Variants in EPB41L3 observed in about 807,000 individuals in gnomAD.
The protein encoded by EPB41L3 is erythrocyte membrane protein band 4.1 like 3, also known as band 4.1-like protein 3.
Under a neutral mutation model 127.1 loss-of-function variants are expected in EPB41L3, and 57 were observed. The ratio of observed to expected loss-of-function variants is 0.45; its 90% CI spans 0.36 to 0.56. The LOEUF (loss-of-function observed/expected upper bound fraction) is 0.56. Ranked by LOEUF, EPB41L3 falls within the 20% of genes least tolerant of loss-of-function variation. EPB41L3 has a pLI of 0.00. For synonymous variants in EPB41L3, 572 were observed against 549.5 expected, an observed-to-expected ratio of 1.04 and a Z score of -0.57; for missense variants, 1,273 against 1,372.2, an observed-to-expected ratio of 0.93 and a Z score of 1.14.
At chr18:5,414,862 C>T (rs1448523830) in intron 13 of EPB41L3, among the ~76,000 whole-genome samples, 1 of 152,190 alleles carries the variant, frequency 6.6e-6, no homozygotes, top group Non-Finnish European at 1.5e-5. Context: ...CATGTCAGCT[C>T]GCCCAATTGC....
chr18:5,426,711 A>G (rs1448614946), intron 9 of EPB41L3, among the ~76,000 whole-genome samples: 1 of 152,198 alleles, frequency 6.6e-6, no homozygotes, highest in Non-Finnish European at 1.5e-5. Context: ...TGTTACAATC[A>G]AAGTATATGA....
In EPB41L3 at chr18:5,395,065, A is replaced by G. The variant is rs2073130663; in HGVS notation, c.3153+2T>C. 2 of 1,613,760 alleles carry G rather than the reference A, an allele frequency of 1.2e-6. No homozygotes were observed. The highest frequency in any genetic ancestry group is 1.7e-6 in the Non-Finnish European group (2 of 1,179,728). On this transcript the variant is annotated splice_donor_variant, in intron 21 of 22. Transcript: ENST00000341928. LOFTEE classifies it high-confidence loss of function. ...GGGTATTTACCGTCTCACACACACTACCTGGTCATGGTCAATGTCTGCATC... is the reference window on the plus strand; with the variant it reads ...GGGTATTTACCGTCTCACACACACTGCCTGGTCATGGTCAATGTCTGCATC...
rs1568583985 is a variant in EPB41L3, at chr18:5,566,777, CTATT to C, written c.-306+45559_-306+45562del. Among the ~76,000 whole-genome samples, 1,069 of 146,880 alleles carry C rather than the reference CTATT, an allele frequency of 7.3e-3. 13 individuals are homozygous for C. Among genetic ancestry groups the C allele is most frequent in the East Asian group, 0.018 (88 of 4,820 alleles). On this transcript the variant is annotated intron_variant, in intron 3 of 21. Transcript: ENST00000545076. ...CTATTCTATTCTATTCTATTCTATT[CTATT>C]CTATTCTATTCCATTCCATTCCATT...
At chr18:5,492,046 G>T (rs771223640) in intron 1 of EPB41L3, among the ~76,000 whole-genome samples, 1 of 152,124 alleles carries the variant, frequency 6.6e-6, no homozygotes, top group Admixed American at 6.5e-5. Context: ...CTGGCTGGGC[G>T]CAGTGGCTTA....
At chr18:5,450,890 G>A (rs1305630481) in intron 3 of EPB41L3, among the ~76,000 whole-genome samples, 3 of 152,090 alleles carry the variant, frequency 2.0e-5, no homozygotes, top group Admixed American at 6.6e-5. Flanking sequence ...CTCCTGAATC[G>A]CCCCTGAAGT....
Position 5,393,742 on chromosome 18 carries a change from A to AT in EPB41L3, c.*7-265dup, listed in dbSNP as rs1290583955. On this transcript the variant is annotated intron_variant, in intron 22 of 22. Transcript: ENST00000341928. Reference sequence around the variant, plus strand: ...TATTATTCATTTGAGTAAAATGAGTATTTTTTATATTTCTCTTTTAAGAGA... The same window carrying AT: ...TATTATTCATTTGAGTAAAATGAGTATTTTTTTATATTTCTCTTTTAAGAGA... The AT allele has an allele frequency of 1.4e-5, 5 of 354,044 alleles. No individual in the cohort carries two copies. The East Asian group carries it at 2.3e-4, about 17-fold the overall frequency. The allele number at this position is 354,044 out of a possible 1,614,324, so 21.9% of individuals were successfully genotyped here. A position where few individuals can be genotyped will look rare whatever the true frequency, so the allele number is the denominator to read the frequency against.
At chr18:5,394,430 A>C (rs1407842019) in intron 22 of EPB41L3, 6 of 390,194 alleles carry the variant, frequency 1.5e-5, no homozygotes, top group Admixed American at 1.2e-4. Context: ...AGACCACACA[A>C]GCATAGAAGC....
At chr18:5,605,952 A>G (rs1037726515) in intron 3 of EPB41L3, among the ~76,000 whole-genome samples, 4 of 152,164 alleles carry the variant, frequency 2.6e-5, no homozygotes, top group African/African-American at 9.7e-5. Flanking sequence ...AGGATGAAAA[A>G]AATCACAGAT....
chr18:5,488,965 A>C, intron 2 of EPB41L3, 36 bp downstream of exon 2: 1 of 1,551,652 alleles, frequency 6.4e-7, no homozygotes, highest in South Asian at 1.2e-5. Flanking sequence ...GCAGCTCAGC[A>C]AACACTGCGT....
chr18:5,576,261 C>G (rs1349362997), intron 3 of EPB41L3, among the ~76,000 whole-genome samples: 2 of 152,230 alleles, frequency 1.3e-5, no homozygotes, highest in East Asian at 3.9e-4. Context: ...TATCTTACTA[C>G]AAGTTACTTT....
chr18:5,479,098 C>A (rs1201228625), intron 2 of EPB41L3, among the ~76,000 whole-genome samples: 4 of 152,192 alleles, frequency 2.6e-5, no homozygotes. Context: ...CAAACCATAA[C>A]AGACTAGTCC....
At chr18:5,398,252 G>A (rs1052507114) in intron 16 of EPB41L3, 109 bp from the exon 17 acceptor site, 20 of 1,254,282 alleles carry the variant, frequency 1.6e-5, no homozygotes, top group Non-Finnish European at 2.0e-5. Flanking sequence ...AGACAGGGAG[G>A]AGGAAGAACG....
chr18:5,499,699 G>A (rs557938632), intron 1 of EPB41L3, among the ~76,000 whole-genome samples: 16 of 151,772 alleles, frequency 1.1e-4, no homozygotes, highest in Non-Finnish European at 2.1e-4. Flanking sequence ...CCTGGGAGGC[G>A]GAGCTTGCAG....
intron 3 of EPB41L3, among the ~76,000 whole-genome samples, chr18:5,450,046 C>A (rs369243090): frequency 2.0e-5 from 3 of 152,056 alleles, no homozygotes; most frequent in South Asian, 4.2e-4. Context: ...TAAGTGAAAC[C>A]GTGGAAAACA....
At chr18:5,450,819 TTC>T (rs1163821284) in intron 3 of EPB41L3, among the ~76,000 whole-genome samples, 1 of 152,180 alleles carries the variant, frequency 6.6e-6, no homozygotes, top group African/African-American at 2.4e-5. Flanking sequence ...GCCTGTGGAG[TTC>T]TTTCAGTGTA....
chr18:5,474,037 T>C (rs1226871170), intron 3 of EPB41L3, among the ~76,000 whole-genome samples: 1 of 151,928 alleles, frequency 6.6e-6, no homozygotes, highest in Non-Finnish European at 1.5e-5. Flanking sequence ...CGAGACCATC[T>C]TGGCTAACGT....
At chr18:5,579,144 TTA>T (rs1358554936) in intron 3 of EPB41L3, among the ~76,000 whole-genome samples, 2 of 152,200 alleles carry the variant, frequency 1.3e-5, no homozygotes, top group Non-Finnish European at 2.9e-5. Context: ...TCTCAGAGAA[TTA>T]TATACAACAA....
chr18:5,629,603 T>G (rs759344583), upstream of EPB41L3, among the ~76,000 whole-genome samples: 1 of 151,454 alleles, frequency 6.6e-6, no homozygotes, highest in Non-Finnish European at 1.5e-5. Context: ...GGCCCCCCCC[T>G]CCCCCGCGTT....
Position 5,543,578 on chromosome 18 carries a change from C to T in EPB41L3, c.-12+335G>A, listed in dbSNP as rs2093808698. Among the ~76,000 whole-genome samples, 1 of 147,466 alleles carries T rather than the reference C, an allele frequency of 6.8e-6. No individual in the cohort carries two copies. The highest frequency in any genetic ancestry group is 2.4e-5 in the African/African-American group (1 of 41,038). On this transcript the variant is annotated intron_variant, in intron 1 of 22. Coordinates refer to ENST00000341928, the MANE Select transcript of EPB41L3 (RefSeq NM_012307.5). This position sits in a 1 kb window ranked among gnomAD's most constrained non-coding sequence, Gnocchi z 5.2. ...GAAGGGACGCGGGGACCGAGTCGCC[C>T]CTTCGGCCAGGGATCCCAGGGAGGC...
Sources: gnomAD v4.1 joint callset for allele counts (sites outside exome capture counted in the v4.1 genomes callset) on GRCh38, gnomAD v4.1.1 for gene constraint, Gnocchi (gnomAD v3.1) non-coding constraint, MANE v1.5 for transcripts, NCBI Gene and HGNC (gene_info 2026-07-23, HGNC 2026-07-21) for gene names.